The following TEX264 variants were observed in gnomAD, a reference collection of about 807,000 sequenced individuals.
TEX264 encodes testis-expressed protein 264.
Under a neutral mutation model 23.4 loss-of-function variants are expected in TEX264, and 13 were observed. The observed-to-expected ratio is 0.56, with a 90% CI of 0.36 to 0.88. TEX264 has a LOEUF of 0.88. TEX264 is among the 40% of genes least tolerant of loss of function. TEX264 has a pLI of 0.01. For missense variants in TEX264, 340 were observed against 406.8 expected (o/e 0.84, Z 1.41); for synonymous variants, 159 against 170.0 (o/e 0.94, Z 0.50).
At chr3:51,690,552 C>A (rs111939174) in intron 3 of TEX264, among the ~76,000 whole-genome samples, 2,996 of 142,144 alleles carry the variant, frequency 0.021, 114 homozygotes, top group African/African-American at 0.075. Context: ...AGCAAGACTC[C>A]GTCTCAAAAA....
chr3:51,693,254 GGCAGCAGGC>G (rs1702892318), intron 3 of TEX264, among the ~76,000 whole-genome samples: 1 of 152,112 alleles, frequency 6.6e-6, no homozygotes, highest in Admixed American at 6.5e-5. Flanking sequence ...AGGCAGTGGC[GGCAGCAGGC>G]GCAGCAGGCT....
At chr3:51,695,240 AAGGCCCAGGGCCCCTC>A (rs367552418) in intron 3 of TEX264, among the ~76,000 whole-genome samples, 54 of 152,336 alleles carry the variant, frequency 3.5e-4, no homozygotes, top group African/African-American at 1.3e-3. Context: ...ACAGTAAGGC[AAGGCCCAGGGCCCCTC>A]AGCCAGACCT....
At chr3:51,687,501 T>C (rs1702665024) in intron 3 of TEX264, among the ~76,000 whole-genome samples, 2 of 152,324 alleles carry the variant, frequency 1.3e-5, no homozygotes, top group East Asian at 3.9e-4. Context: ...ACTAGTTGCG[T>C]CTCACTCTTC....
chr3:51,687,770 G>C (rs1046211987), intron 3 of TEX264, among the ~76,000 whole-genome samples: 1 of 152,194 alleles, frequency 6.6e-6, no homozygotes, highest in Non-Finnish European at 1.5e-5. Context: ...GGGAGGTGGA[G>C]AGCAGCTGCT....
intron 2 of TEX264, chr3:51,684,016 G>GT: frequency 4.3e-6 from 1 of 232,900 alleles, no homozygotes; most frequent in Non-Finnish European, 8.5e-6. Flanking sequence ...GCCCTGGGGC[G>GT]TGGGGGCTGA....
At chr3:51,675,622 C>T (rs1702203496) in intron 2 of TEX264, among the ~76,000 whole-genome samples, 1 of 152,212 alleles carries the variant, frequency 6.6e-6, no homozygotes, top group Non-Finnish European at 1.5e-5. Context: ...CAACAAGACA[C>T]TGTGCTTGAT....
chr3:51,701,922 G>A (rs1485835490), intron 4 of TEX264, among the ~76,000 whole-genome samples: 1 of 152,222 alleles, frequency 6.6e-6, no homozygotes, highest in Non-Finnish European at 1.5e-5. Flanking sequence ...GTGAGCCACC[G>A]TGCCTGGCCT....
chr3:51,684,580 G>A lies in TEX264; in HGVS notation c.426G>A (p.Leu142=), dbSNP rs200784377. 4.5e-5 allele frequency: 73 copies of A among 1,614,072 alleles called. No individual in the cohort carries two copies. Among genetic ancestry groups the A allele is most frequent in the Non-Finnish European group, 5.4e-5 (64 of 1,180,044 alleles). The change falls in exon 3 of 5, where the codon CTG becomes CTA. Residue 142 remains leucine (L), a synonymous_variant. Coordinates refer to ENST00000341333, the MANE Select transcript of TEX264 (RefSeq NM_015926.6). ...CCACCTTCCCCTACACCACCATTCTGTCCATCTGGCTGGCTACCCGCCGTG... is the reference window on the plus strand; with the variant it reads ...CCACCTTCCCCTACACCACCATTCTATCCATCTGGCTGGCTACCCGCCGTG... ...VTATFPYTTI[L]SIWLATRRVH... is the part of the protein sequence containing the mutation.
At chr3:51,680,175 A>C (rs1702374047) in intron 2 of TEX264, among the ~76,000 whole-genome samples, 1 of 152,118 alleles carries the variant, frequency 6.6e-6, no homozygotes. Flanking sequence ...TGTCCCTGTC[A>C]GGTTGTGTAG....
At chr3:51,694,064 C>CCTT (rs1559680733) in intron 3 of TEX264, among the ~76,000 whole-genome samples, 7 of 123,856 alleles carry the variant, frequency 5.7e-5, no homozygotes, top group Non-Finnish European at 8.6e-5. Context: ...CCCTTCCCTT[C>CCTT]CCTTCCCCTT....
At chr3:51,676,799 A>G (rs1180822840) in intron 2 of TEX264, among the ~76,000 whole-genome samples, 1 of 152,230 alleles carries the variant, frequency 6.6e-6, no homozygotes, top group Non-Finnish European at 1.5e-5. Flanking sequence ...ACATATGCTG[A>G]GAGGTCAGAC....
chr3:51,684,223 G>A (rs1171498850), intron 2 of TEX264, 190 bp from the exon 3 acceptor site: 65 of 599,944 alleles, frequency 1.1e-4, no homozygotes, highest in Admixed American at 2.9e-5. Flanking sequence ...CCTGTGGTAC[G>A]ATGCCACAGG....
In TEX264 at chr3:51,686,954, A is replaced by G. The variant is rs1702643496; in HGVS notation, c.480+2320A>G. 6.6e-6 allele frequency among the ~76,000 whole-genome samples: 1 copy of G among 152,020 alleles called. No individual in the cohort carries two copies. Among genetic ancestry groups the G allele is most frequent in the Non-Finnish European group, 1.5e-5 (1 of 67,988 alleles). On this transcript the variant is annotated intron_variant, in intron 3 of 4. Transcript: ENST00000341333. This position sits in a 1 kb window ranked among gnomAD's most constrained non-coding sequence, Gnocchi z 4.1. ...CCTGGCTTCAGGGGTTTATTTTTAG[A>G]CACCTTTGTCCAAATTTCCCGGCCC...
At chr3:51,687,201 C>T (rs1052478359) in intron 3 of TEX264, among the ~76,000 whole-genome samples, 4 of 152,188 alleles carry the variant, frequency 2.6e-5, no homozygotes, top group Admixed American at 6.5e-5. Context: ...AGATAGAGGC[C>T]GGCTGCCCAC....
intron 3 of TEX264, 111 bp from the exon 4 acceptor site, chr3:51,699,295 G>A: frequency 8.4e-7 from 1 of 1,191,728 alleles, no homozygotes; most frequent in Non-Finnish European, 1.2e-6. Flanking sequence ...TTGAGAGGCA[G>A]AGCCAGCCCC....
Position 51,686,584 on chromosome 3 carries a change from T to C in TEX264, c.480+1950T>C, listed in dbSNP as rs142376783. Among the ~76,000 whole-genome samples the C allele has an allele frequency of 6.6e-6, 1 of 151,072 alleles. No homozygotes were observed. The highest frequency in any genetic ancestry group is 2.0e-4 in the East Asian group (1 of 5,124). Reference sequence around the variant, plus strand: ...TGATAAGGCAAGGGCACAGGGAGAATAGAGGGGAGTTTCCTTTGTGAGCTG... The same window carrying C: ...TGATAAGGCAAGGGCACAGGGAGAACAGAGGGGAGTTTCCTTTGTGAGCTG... On this transcript the variant is annotated intron_variant, in intron 3 of 4. Coordinates refer to ENST00000341333, the MANE Select transcript of TEX264 (RefSeq NM_015926.6). The surrounding 1 kb of genome is among the most constrained non-coding windows in gnomAD (Gnocchi z 4.1).
intron 3 of TEX264, among the ~76,000 whole-genome samples, chr3:51,688,628 T>G (rs1187568414): frequency 6.6e-6 from 1 of 152,170 alleles, no homozygotes; most frequent in African/African-American, 2.4e-5. Flanking sequence ...TTTAGGGTGT[T>G]ACAGGGCATT....
intron 3 of TEX264, among the ~76,000 whole-genome samples, chr3:51,687,557 C>A (rs1408492324): frequency 6.6e-6 from 1 of 152,168 alleles, no homozygotes; most frequent in Non-Finnish European, 1.5e-5. Flanking sequence ...GTGTGTACAC[C>A]CTTCTTTTTC....
At chr3:51,688,046 T>G (rs1377510167) in intron 3 of TEX264, among the ~76,000 whole-genome samples, 2 of 152,230 alleles carry the variant, frequency 1.3e-5, no homozygotes, top group Non-Finnish European at 2.9e-5. Flanking sequence ...GCCCCCAGGC[T>G]GAACACTCAT....
Sources: allele counts gnomAD v4.1 joint callset (sites outside exome capture counted in the v4.1 genomes callset), GRCh38; gene constraint gnomAD v4.1.1; non-coding constraint Gnocchi (gnomAD v3.1); transcripts MANE v1.5; gene names NCBI Gene and HGNC (gene_info 2026-07-23, HGNC 2026-07-21).